The following MARCHF4 variants were observed in gnomAD, a reference collection of about 807,000 sequenced individuals.
MARCHF4 encodes E3 ubiquitin-protein ligase MARCHF4.
In MARCHF4, 14 loss-of-function variants were observed where a neutral mutation model predicts 43.9. The ratio of observed to expected loss-of-function variants is 0.32; its 90% CI spans 0.21 to 0.50. MARCHF4 has a LOEUF of 0.50. Among genes scored for constraint, MARCHF4 ranks in the 20% least tolerant of loss-of-function variants. The pLI, the probability that MARCHF4 is intolerant of heterozygous loss-of-function variation, is 0.98. For synonymous variants in MARCHF4, 226 were observed against 213.3 expected (o/e 1.06, Z -0.52); for missense variants, 468 against 536.7 (o/e 0.87, Z 1.27).
intron 1 of MARCHF4, among the ~76,000 whole-genome samples, chr2:216,326,147 G>A (rs1455116674): frequency 8.6e-5 from 13 of 150,790 alleles, no homozygotes; most frequent in East Asian, 3.9e-4. Flanking sequence ...AAAAGTGGGC[G>A]AAGGACATGA....
chr2:216,367,313 C>T (rs920731836), intron 1 of MARCHF4, among the ~76,000 whole-genome samples: 1 of 151,900 alleles, frequency 6.6e-6, no homozygotes, highest in Non-Finnish European at 1.5e-5. Flanking sequence ...CTCTCTCCCC[C>T]TCCCTCCTCC....
chr2:216,312,516 T>G (rs765776582), intron 1 of MARCHF4, among the ~76,000 whole-genome samples: 1 of 152,164 alleles, frequency 6.6e-6, no homozygotes, highest in Admixed American at 6.5e-5. Context: ...CAACAGTGTA[T>G]AAGCATTCCC....
chr2:216,352,557 A>G (rs544778704), intron 1 of MARCHF4, among the ~76,000 whole-genome samples: 7 of 151,986 alleles, frequency 4.6e-5, no homozygotes, highest in African/African-American at 1.7e-4. Flanking sequence ...GGGTCCCACT[A>G]TGTTGCCCAG....
intron 1 of MARCHF4, among the ~76,000 whole-genome samples, chr2:216,355,947 C>T (rs10191931): frequency 0.32 from 48,983 of 152,094 alleles, 8,126 homozygotes; most frequent in East Asian, 0.51. Flanking sequence ...TACACCCTCA[C>T]CAGCTGCCTA....
intron 1 of MARCHF4, among the ~76,000 whole-genome samples, chr2:216,298,753 A>G (rs1371321939): frequency 6.6e-6 from 1 of 152,234 alleles, no homozygotes; most frequent in Non-Finnish European, 1.5e-5. Context: ...CCCCTAAATC[A>G]GGAACATAAT....
intron 1 of MARCHF4, among the ~76,000 whole-genome samples, chr2:216,366,865 T>G (rs1409209907): frequency 6.6e-6 from 1 of 152,226 alleles, no homozygotes; most frequent in African/African-American, 2.4e-5. Flanking sequence ...AAATCTCATC[T>G]ATTTTGTTCA....
chr2:216,311,558 G>A (rs531935337), intron 1 of MARCHF4, among the ~76,000 whole-genome samples: 38 of 152,246 alleles, frequency 2.5e-4, no homozygotes, highest in Admixed American at 5.2e-4. Flanking sequence ...GCACTCGGCC[G>A]TAAATCATGT....
At chr2:216,329,590 A>C (rs1313459775) in intron 1 of MARCHF4, among the ~76,000 whole-genome samples, 1 of 151,258 alleles carries the variant, frequency 6.6e-6, no homozygotes, top group Non-Finnish European at 1.5e-5. Flanking sequence ...AAAAGAAGGC[A>C]AGAAAGGAGA....
At chr2:216,287,356 G>C (rs989330437) in intron 1 of MARCHF4, among the ~76,000 whole-genome samples, 1 of 152,032 alleles carries the variant, frequency 6.6e-6, no homozygotes, top group African/African-American at 2.4e-5. Flanking sequence ...TGGGCTGGGA[G>C]GATTACTGTG....
chr2:216,353,593 G>C (rs1349197656), intron 1 of MARCHF4, among the ~76,000 whole-genome samples: 1 of 152,006 alleles, frequency 6.6e-6, no homozygotes, highest in African/African-American at 2.4e-5. Flanking sequence ...TGTTGTCCAG[G>C]CTGGAGTGCA....
intron 3 of MARCHF4, among the ~76,000 whole-genome samples, chr2:216,274,470 C>T (rs1243304339): frequency 3.3e-5 from 5 of 152,188 alleles, no homozygotes; most frequent in Non-Finnish European, 7.3e-5. Flanking sequence ...GATATTTTTG[C>T]ACCAAATTGT....
intron 1 of MARCHF4, among the ~76,000 whole-genome samples, chr2:216,288,456 G>A (rs963912088): frequency 7.2e-5 from 11 of 152,114 alleles, no homozygotes; most frequent in Admixed American, 2.0e-4. Flanking sequence ...GGGAACGACC[G>A]CCTAAAGAAA....
intron 1 of MARCHF4, among the ~76,000 whole-genome samples, chr2:216,308,416 GA>G (rs1282228115): frequency 6.6e-6 from 1 of 152,128 alleles, no homozygotes; most frequent in Non-Finnish European, 1.5e-5. Context: ...AAAGAGAAAA[GA>G]AAAAAAGTCA....
At chr2:216,281,354 A>C (rs966955146) in intron 2 of MARCHF4, among the ~76,000 whole-genome samples, 1 of 152,122 alleles carries the variant, frequency 6.6e-6, no homozygotes, top group African/African-American at 2.4e-5. Context: ...GTGAGCCACC[A>C]TGCCTGGCCT....
chr2:216,349,985 G>A (rs1346817171), intron 1 of MARCHF4, among the ~76,000 whole-genome samples: 1 of 152,072 alleles, frequency 6.6e-6, no homozygotes, highest in African/African-American at 2.4e-5. Flanking sequence ...ATGCTCAGGG[G>A]CCTCTGGGCC....
intron 3 of MARCHF4, among the ~76,000 whole-genome samples, chr2:216,262,168 G>A (rs191181071): frequency 5.3e-4 from 81 of 152,338 alleles, no homozygotes; most frequent in African/African-American, 1.9e-3. Context: ...GAGAAGGTGG[G>A]AAATAATTAT....
In MARCHF4 at chr2:216,283,678, G is replaced by A; in HGVS notation, c.568C>T (p.Gln190Ter). 6.2e-7 allele frequency: 1 copy of A among 1,613,446 alleles called. No homozygotes were observed. The highest frequency in any genetic ancestry group is 8.5e-7 in the Non-Finnish European group (1 of 1,179,426). Reference sequence around the variant, plus strand: ...CTGATCCACTTGATGAGGCAAGGCTGGTGTGTGCACTTGACCGAGCCATCA... The same window carrying A: ...CTGATCCACTTGATGAGGCAAGGCTAGTGTGTGCACTTGACCGAGCCATCA... ...RCDGSVKCTH[Q>*]PCLIKWISER... Residue 190 changes from glutamine to a stop codon, truncating the protein, a stop_gained, in exon 2 of 4, where the codon CAG (glutamine) becomes TAG (stop). Transcript: ENST00000273067. LOFTEE classifies it high-confidence loss of function.
chr2:216,306,044 T>C (rs1407726970), intron 1 of MARCHF4, among the ~76,000 whole-genome samples: 2 of 152,168 alleles, frequency 1.3e-5, no homozygotes, highest in African/African-American at 4.8e-5. Flanking sequence ...ATCATTACCA[T>C]AATTATCATC....
intron 1 of MARCHF4, among the ~76,000 whole-genome samples, chr2:216,346,282 C>A (rs1488257951): frequency 6.6e-6 from 1 of 151,606 alleles, no homozygotes; most frequent in Non-Finnish European, 1.5e-5. Flanking sequence ...GCACAGACAC[C>A]CCATCAAAGG....
Sources: gnomAD v4.1 joint callset for allele counts (sites outside exome capture counted in the v4.1 genomes callset) on GRCh38, gnomAD v4.1.1 for gene constraint, MANE v1.5 for transcripts, NCBI Gene and HGNC (gene_info 2026-07-23, HGNC 2026-07-21) for gene names.